NFATC3: variants seen among roughly 807,000 people sequenced by gnomAD.
NFATC3 encodes nuclear factor of activated T cells 3.
In NFATC3, 46 loss-of-function variants were observed where a neutral mutation model predicts 98.6. The ratio of observed to expected loss-of-function variants is 0.47; its 90% CI spans 0.37 to 0.60. The LOEUF (loss-of-function observed/expected upper bound fraction) is 0.60. Ranked by LOEUF, NFATC3 falls within the 20% of genes least tolerant of loss-of-function variation. The pLI, the probability that NFATC3 is intolerant of heterozygous loss-of-function variation, is 0.00. For synonymous variants in NFATC3, 512 were observed against 472.2 expected (o/e 1.08, Z -1.09); for missense variants, 1,256 against 1,295.5 (o/e 0.97, Z 0.47).
intron 1 of NFATC3, among the ~76,000 whole-genome samples, chr16:68,115,014 G>A (rs909866143): frequency 1.5e-4 from 23 of 151,892 alleles, no homozygotes; most frequent in Admixed American, 7.9e-4. Context: ...ACATATTTCC[G>A]TGGTTTCTCC....
chr16:68,150,503 G>A (rs540175860), intron 3 of NFATC3, among the ~76,000 whole-genome samples: 42 of 151,350 alleles, frequency 2.8e-4, no homozygotes, highest in Admixed American at 2.6e-3. Context: ...GATCCTTTGA[G>A]CCCAGAAACT....
At chr16:68,192,330 T>TAGAG (rs1314261398) in intron 9 of NFATC3, 2 of 141,382 alleles carry the variant, frequency 1.4e-5, no homozygotes, top group Non-Finnish European at 1.5e-5. Context: ...TATATATATA[T>TAGAG]ATAGAGAGAG....
At chr16:68,193,584 G>A (rs1464522709) in intron 9 of NFATC3, among the ~76,000 whole-genome samples, 1 of 151,990 alleles carries the variant, frequency 6.6e-6, no homozygotes, top group East Asian at 1.9e-4. Flanking sequence ...TGGGAGGATC[G>A]CTTGAGTCCA....
In NFATC3 at chr16:68,119,976, G is replaced by A. The variant is rs2036483884; in HGVS notation, c.104-2011G>A. Among the ~76,000 whole-genome samples, 3 of 151,970 alleles carry A rather than the reference G, an allele frequency of 2.0e-5. No individual in the cohort carries two copies. The South Asian group carries it at 6.2e-4, about 32-fold the overall frequency. ...GCACAAAGTTAGCTCCCCAAAAATG[G>A]CAAAGTGAAATAAAGAAACATTTCT... On this transcript the variant is annotated intron_variant, in intron 1 of 9. Coordinates refer to ENST00000346183, the MANE Select transcript of NFATC3 (RefSeq NM_173165.3).
At position 68,228,015 on chromosome 16, in the gene NFATC3, ATG is replaced by A. The variant is rs2151189029; in HGVS notation, c.*1545_*1546del. On this transcript the variant is annotated 3_prime_UTR_variant, in exon 10 of 10. Transcript: ENST00000346183. ...TATTCCAGGAGACTGCAGGCCCTTG[ATG>A]CCAGGACTCTCTCTACTAAGGCCAG... 6.6e-6 allele frequency: 1 copy of A among 152,296 alleles called. No individual in the cohort carries two copies. Among genetic ancestry groups the A allele is most frequent in the East Asian group, 1.9e-4 (1 of 5,188 alleles). 9.4% of individuals were successfully genotyped at this position (152,296 alleles called of 1,614,324 possible).
intron 9 of NFATC3, among the ~76,000 whole-genome samples, chr16:68,194,992 C>T (rs1437233151): frequency 6.6e-6 from 1 of 152,096 alleles, no homozygotes; most frequent in South Asian, 2.1e-4. Flanking sequence ...GTGGCTCATG[C>T]CTATAAACTC....
At chr16:68,147,049 G>A (rs1481660988) in intron 3 of NFATC3, among the ~76,000 whole-genome samples, 3 of 152,354 alleles carry the variant, frequency 2.0e-5, no homozygotes, top group East Asian at 1.9e-4. Context: ...TGGAACAGAT[G>A]TTGGTCAAAA....
chr16:68,157,047 AG>A (rs1447936534), intron 3 of NFATC3, among the ~76,000 whole-genome samples: 1 of 152,162 alleles, frequency 6.6e-6, no homozygotes. Flanking sequence ...AAAGACTGAA[AG>A]GTTTCCCTCT....
At chr16:68,115,518 G>A (rs1229344621) in intron 1 of NFATC3, among the ~76,000 whole-genome samples, 1 of 151,982 alleles carries the variant, frequency 6.6e-6, no homozygotes, top group African/African-American at 2.4e-5. Flanking sequence ...TCCGCCTCCC[G>A]GGTTCAACTG....
intron 1 of NFATC3, among the ~76,000 whole-genome samples, chr16:68,098,304 T>TTTTA (rs1858866633): frequency 8.0e-6 from 1 of 124,830 alleles, no homozygotes; most frequent in African/African-American, 3.1e-5. Context: ...ATTATTATTT[T>TTTTA]TTTTTTTTTT....
At chr16:68,215,722 C>A in intron 9 of NFATC3, among the ~76,000 whole-genome samples, 1 of 96,038 alleles carries the variant, frequency 1.0e-5, no homozygotes, top group East Asian at 2.7e-4. Flanking sequence ...GAGATTTGCA[C>A]TTTTTTTTTT....
Position 68,126,715 on chromosome 16 carries a change from A to G in NFATC3, c.1401+105A>G, listed in dbSNP as rs1007834797. ...AGAGTGCAAAGAGCATAAACTCAAA[A>G]CTAGAGAGCCTCTGTTGTTTTGGGG... On this transcript the variant is annotated intron_variant, in intron 3 of 9. Transcript: ENST00000346183. 7 of 1,095,458 alleles carry G rather than the reference A, an allele frequency of 6.4e-6. No homozygotes were observed. The African/African-American group carries it at 7.8e-5, about 12-fold the overall frequency. 67.9% of individuals were successfully genotyped at this position (1,095,458 alleles called of 1,614,324 possible).
At chr16:68,094,732 A>G (rs1487196793) in intron 1 of NFATC3, among the ~76,000 whole-genome samples, 7 of 152,196 alleles carry the variant, frequency 4.6e-5, no homozygotes, top group Non-Finnish European at 1.0e-4. Context: ...TGACTTTTTA[A>G]TCATCCGATT....
chr16:68,200,090 G>A (rs2040852731), intron 9 of NFATC3: 1 of 151,996 alleles, frequency 6.6e-6, no homozygotes, highest in Non-Finnish European at 1.5e-5. Flanking sequence ...AATCCTTCTT[G>A]TATAATAGCC....
At chr16:68,224,749 C>A (rs2041986422) in intron 9 of NFATC3, 2 of 151,894 alleles carry the variant, frequency 1.3e-5, no homozygotes, top group Non-Finnish European at 2.9e-5. Flanking sequence ...TTGTTCCGAA[C>A]TGTGTAAACC....
intron 2 of NFATC3, among the ~76,000 whole-genome samples, chr16:68,123,807 A>G (rs2036677669): frequency 6.6e-6 from 1 of 150,518 alleles, no homozygotes. Flanking sequence ...TGACATGGCA[A>G]AACCGTGTCT....
At chr16:68,136,768 A>G (rs2037436762) in intron 3 of NFATC3, among the ~76,000 whole-genome samples, 1 of 152,106 alleles carries the variant, frequency 6.6e-6, no homozygotes, top group Non-Finnish European at 1.5e-5. Flanking sequence ...CAGTGGCACC[A>G]TGCTTGCAGT....
chr16:68,128,930 CAAAT>C (rs1409250797), intron 3 of NFATC3, among the ~76,000 whole-genome samples: 3 of 151,590 alleles, frequency 2.0e-5, no homozygotes, highest in African/African-American at 4.9e-5. Flanking sequence ...GACTGGGCAA[CAAAT>C]AAATAAATAA....
At chr16:68,135,563 T>G (rs2037357937) in intron 3 of NFATC3, among the ~76,000 whole-genome samples, 2 of 151,954 alleles carry the variant, frequency 1.3e-5, no homozygotes, top group Admixed American at 1.3e-4. Context: ...TTTAATCAGA[T>G]TATTTTACTT....
Sources: allele counts gnomAD v4.1 joint callset (sites outside exome capture counted in the v4.1 genomes callset), GRCh38; gene constraint gnomAD v4.1.1; transcripts MANE v1.5; gene names NCBI Gene and HGNC (gene_info 2026-07-23, HGNC 2026-07-21).